RNF213: variants seen among roughly 807,000 people sequenced by gnomAD.
The protein encoded by RNF213 is E3 ubiquitin-protein ligase RNF213.
Under a neutral mutation model 514.4 loss-of-function variants are expected in RNF213, and 341 were observed. That is an observed-to-expected ratio of 0.66 (90% CI 0.61 to 0.73). The LOEUF (loss-of-function observed/expected upper bound fraction) is 0.73, where lower values mean the gene tolerates loss of function less well. Ranked by LOEUF, RNF213 falls within the 30% of genes least tolerant of loss-of-function variation. RNF213 has a pLI of 0.00. For synonymous variants in RNF213, 2,655 were observed against 2,658.2 expected (o/e 1.00, Z 0.04); for missense variants, 5,767 against 6,615.6 (o/e 0.87, Z 4.45).
Position 80,319,872 on chromosome 17 carries a change from A to T in RNF213, c.3024+560A>T, listed in dbSNP as rs1452939267. ...CCCTGCTCACATTTCCTAATTGGAC[A>T]CTTAACCCCTGTACAAGCACAGCCT... On this transcript the variant is annotated intron_variant, in intron 17 of 67. Transcript: ENST00000582970. 6 of 1,144,812 alleles carry T rather than the reference A, an allele frequency of 5.2e-6. No individual in the cohort carries two copies. The Admixed American group carries it at 2.6e-4, about 49-fold the overall frequency. 70.9% of individuals were successfully genotyped at this position (1,144,812 alleles called of 1,614,324 possible).
intron 22 of RNF213, among the ~76,000 whole-genome samples, chr17:80,335,603 G>A (rs1350032190): frequency 6.6e-6 from 1 of 152,158 alleles, no homozygotes; most frequent in Non-Finnish European, 1.5e-5. Context: ...TTGAAGGAAA[G>A]AGCATACACA....
At chr17:80,375,049 T>C (rs1253770997) in intron 50 of RNF213, 3 of 191,960 alleles carry the variant, frequency 1.6e-5, no homozygotes. Flanking sequence ...TTTTAGAATC[T>C]AACCTTTAAA....
rs772692667 is a variant in RNF213, at chr17:80,372,607, T to C, written c.12624T>C (p.Tyr4208=). The C allele has an allele frequency of 1.2e-6, 2 of 1,614,024 alleles. No homozygotes were observed. The highest frequency in any genetic ancestry group is 1.6e-4 in the Middle Eastern group (1 of 6,062). The change falls in exon 48 of 68, where the codon TAT becomes TAC. Residue 4208 remains tyrosine, a synonymous_variant. Coordinates refer to ENST00000582970, the MANE Select transcript of RNF213 (RefSeq NM_001256071.3). ...LEEEGRFLKA[Y]SPASRGREPA... is the part of the protein sequence containing the mutation. ...AGGAAGGTCGTTTCCTTAAGGCATA[T>C]TCTCCAGCAAGCCGGGGCCGAGAGC...
Position 80,369,774 on chromosome 17 carries a change from G to T in RNF213, c.12332G>T (p.Cys4111Phe), listed in dbSNP as rs781324421. 11 of 1,613,674 alleles carry T rather than the reference G, an allele frequency of 6.8e-6. No individual in the cohort carries two copies. The East Asian group carries it at 2.0e-4, about 29-fold the overall frequency. Residue 4111 changes from cysteine to phenylalanine, a missense_variant, in exon 46 of 68, where the codon TGT (cysteine) becomes TTT (phenylalanine). Cys to Phe is a radical substitution (Grantham distance 205). Coordinates refer to ENST00000582970, the MANE Select transcript of RNF213 (RefSeq NM_001256071.3). ...GRLRDAAQRHCEHTKSLSPFN... is the reference protein window; with the variant it reads ...GRLRDAAQRHFEHTKSLSPFN... ...TTTTTCTTTCTGGTTTAAGGACACT[G>T]TGAACACACAAAATCTCTCTCTCCA...
intron 38 of RNF213, 77 bp from the exon 39 acceptor site, chr17:80,361,657 C>A (rs2079058848): frequency 6.4e-7 from 1 of 1,558,090 alleles, no homozygotes; most frequent in Non-Finnish European, 8.8e-7. Context: ...TTCCCCTTCA[C>A]TCCGGAGCCC....
At position 80,320,447 on chromosome 17, in the gene RNF213, G is replaced by C. The variant is rs559094405; in HGVS notation, c.3024+1135G>C. ...GGCTCACCGCAACCGCTGCCTCCCG[G>C]GTTCAAGTGATTCTCCTGCCTCAGC... On this transcript the variant is annotated intron_variant, in intron 17 of 67. Transcript: ENST00000582970. The C allele has an allele frequency of 2.6e-5, 4 of 152,244 alleles. No individual in the cohort carries two copies. In the East Asian group the frequency reaches 7.7e-4, roughly 29 times the overall value. The allele number at this position is 152,244 out of a possible 1,614,324, so 9.4% of individuals were successfully genotyped here.
At chr17:80,348,577 G>A (rs1382086004) in intron 29 of RNF213, among the ~76,000 whole-genome samples, 1 of 152,260 alleles carries the variant, frequency 6.6e-6, no homozygotes, top group Non-Finnish European at 1.5e-5. Flanking sequence ...GGGACGCACA[G>A]ATGAATCTGT....
chr17:80,355,680 G>A (rs1252081863), intron 36 of RNF213, among the ~76,000 whole-genome samples: 4 of 53,764 alleles, frequency 7.4e-5, no homozygotes, highest in African/African-American at 2.9e-4. Flanking sequence ...ACAGGGGGAA[G>A]AAGCGGGGTG....
intron 41 of RNF213, 110 bp from the exon 42 acceptor site, chr17:80,364,323 G>A (rs2079170799): frequency 8.0e-6 from 12 of 1,492,646 alleles, no homozygotes; most frequent in African/African-American, 1.4e-5. Flanking sequence ...CCCAGCCGCT[G>A]GGCCTGGACC....
Position 80,345,499 on chromosome 17 carries a change from C to T in RNF213, c.7164C>T (p.Asp2388=). 2 of 1,610,646 alleles carry T rather than the reference C, an allele frequency of 1.2e-6. No homozygotes were observed. The highest frequency in any genetic ancestry group is 1.1e-5 in the South Asian group (1 of 90,976). ...CCTTAGGGATCCCCCAGGCCACCGACCCCGACAAAACGTATGAGCTCACAA... is the reference window on the plus strand; with the variant it reads ...CCTTAGGGATCCCCCAGGCCACCGATCCCGACAAAACGTATGAGCTCACAA... ...CLTLGIPQAT[D]PDKTYELTTD... is the part of the protein sequence containing the mutation. Residue 2388 remains aspartate (D), a synonymous_variant, in exon 29 of 68, where the codon GAC becomes GAT. Transcript: ENST00000582970. The surrounding 1 kb of genome is among the most constrained non-coding windows in gnomAD (Gnocchi z 6.0).
At chr17:80,389,451 G>A (rs2080373351) in intron 65 of RNF213, 84 bp downstream of exon 65, 6 of 1,264,808 alleles carry the variant, frequency 4.7e-6, no homozygotes, top group South Asian at 3.7e-5. Flanking sequence ...CATTCAGGGA[G>A]TGCCACTCTA....
intron 46 of RNF213, 91 bp downstream of exon 46, chr17:80,369,958 G>A (rs1205650536): frequency 3.4e-6 from 3 of 884,192 alleles, no homozygotes; most frequent in South Asian, 2.6e-5. Context: ...GTCGTGACTA[G>A]TAGCTAGTAC....
intron 61 of RNF213, among the ~76,000 whole-genome samples, chr17:80,385,918 G>A (rs996340512): frequency 2.6e-5 from 4 of 152,026 alleles, no homozygotes; most frequent in Non-Finnish European, 5.9e-5. Context: ...CACCCGCCTC[G>A]GCCTCCCAAA....
Position 80,319,704 on chromosome 17 carries a change from T to G in RNF213, c.3024+392T>G, listed in dbSNP as rs146074765. The stretch of plus-strand genomic sequence containing the variant: ...ACTCCAAAGGTTGACAGAACATTTA[T>G]GGAAGCAAAATATGTGAAATGGAAA... On this transcript the variant is annotated intron_variant, in intron 17 of 67. Coordinates refer to ENST00000582970, the MANE Select transcript of RNF213 (RefSeq NM_001256071.3). 5.6e-6 allele frequency: 8 copies of G among 1,427,246 alleles called. No homozygotes were observed. In the African/African-American group the frequency reaches 1.1e-4, roughly 20 times the overall value. The allele number at this position is 1,427,246 out of a possible 1,614,324, so 88.4% of individuals were successfully genotyped here. A position where few individuals can be genotyped will look rare whatever the true frequency, so the allele number is the denominator to read the frequency against.
chr17:80,273,994 GCTT>G (rs1299736623), intron 3 of RNF213, among the ~76,000 whole-genome samples: 4 of 152,138 alleles, frequency 2.6e-5, no homozygotes, highest in Non-Finnish European at 4.4e-5. Flanking sequence ...TGGGGCCTGA[GCTT>G]CTGCCGTGTG....
In RNF213 at chr17:80,339,977, C is replaced by T. The variant is rs2078103317; in HGVS notation, c.5610C>T (p.Thr1870=). Residue 1870 remains threonine, a synonymous_variant, in exon 26 of 68, where the codon ACC becomes ACT. Transcript: ENST00000582970. ...DEVLLCTPAT[T]FEEVALLLRR... ...TGCTGCTCTGCACCCCGGCAACCAC[C>T]TTTGAGGAGGTGGCACTGTTGCTGC... 1.3e-6 allele frequency: 2 copies of T among 1,537,470 alleles called. No individual in the cohort carries two copies. Among genetic ancestry groups the T allele is most frequent in the African/African-American group, 2.7e-5 (2 of 73,166 alleles).
At chr17:80,286,102 A>G (rs1464037472) in intron 3 of RNF213, among the ~76,000 whole-genome samples, 3 of 152,154 alleles carry the variant, frequency 2.0e-5, no homozygotes, top group African/African-American at 7.2e-5. Context: ...TCCACACCCA[A>G]ACGCACCAAG....
Position 80,345,386 on chromosome 17 carries a change from T to A in RNF213, c.7051T>A (p.Tyr2351Asn). The change falls in exon 29 of 68, where the codon TAC (tyrosine) becomes AAC (asparagine). Residue 2351 changes from tyrosine to asparagine, a missense_variant. Physicochemically the swap from Tyr to Asn is moderately radical, Grantham distance 143. Transcript: ENST00000582970. The surrounding 1 kb of genome is among the most constrained non-coding windows in gnomAD (Gnocchi z 6.0). ...GAGAGACGTCATGACCAGGGACCTG[T>A]ACCAGGGCCTGCTGCTCCAGAGGGT... The part of the protein sequence containing the change: ...IKRDVMTRDL[Y>N]QGLLLQRVPF... The A allele has an allele frequency of 6.2e-7, 1 of 1,614,056 alleles. No individual in the cohort carries two copies. The highest frequency in any genetic ancestry group is 1.1e-5 in the South Asian group (1 of 91,078).
chr17:80,312,939 G>A (rs2045620379), intron 14 of RNF213, 73 bp from the exon 15 acceptor site: 2 of 1,559,508 alleles, frequency 1.3e-6, no homozygotes, highest in African/African-American at 2.7e-5. Context: ...AGGAGAGGAG[G>A]GGGTGCAGCA....
Sources: gnomAD v4.1 joint callset for allele counts (sites outside exome capture counted in the v4.1 genomes callset) on GRCh38, gnomAD v4.1.1 for gene constraint, Gnocchi (gnomAD v3.1) non-coding constraint, MANE v1.5 for transcripts, NCBI Gene and HGNC (gene_info 2026-07-23, HGNC 2026-07-21) for gene names.